The following FSIP1 variants were observed in gnomAD, a reference collection of about 807,000 sequenced individuals.
The protein encoded by FSIP1 is fibrous sheath-interacting protein 1.
A neutral mutation model predicts 60.9 loss-of-function variants in FSIP1; 65 were observed. The observed-to-expected ratio is 1.07, with a 90% confidence interval of 0.87 to 1.31. The LOEUF is 1.31. Among genes scored for constraint, FSIP1 ranks in the 40% most tolerant of loss-of-function variants. FSIP1 has a pLI of 0.00. For synonymous variants in FSIP1, 209 were observed against 221.2 expected (o/e 0.94, Z 0.49); for missense variants, 675 against 665.5 (o/e 1.01, Z -0.16).
At chr15:39,644,164 G>C (rs7179608) in intron 10 of FSIP1, among the ~76,000 whole-genome samples, 33,611 of 151,978 alleles carry the variant, frequency 0.22, 5,158 homozygotes, top group African/African-American at 0.43. Flanking sequence ...TTCGCCTATA[G>C]GCTCGATCCT....
At chr15:39,779,973 G>GT (rs923395423) in intron 1 of FSIP1, among the ~76,000 whole-genome samples, 2 of 152,150 alleles carry the variant, frequency 1.3e-5, no homozygotes, top group Non-Finnish European at 2.9e-5. Flanking sequence ...TGTATGGTCA[G>GT]TTTTTTTACT....
At chr15:39,721,707 G>C (rs1895990181) in intron 9 of FSIP1, among the ~76,000 whole-genome samples, 1 of 152,218 alleles carries the variant, frequency 6.6e-6, no homozygotes, top group Non-Finnish European at 1.5e-5. Flanking sequence ...ATATAGAGTG[G>C]TGGATACTGC....
intron 10 of FSIP1, among the ~76,000 whole-genome samples, chr15:39,695,852 G>A (rs892851110): frequency 6.6e-6 from 1 of 152,070 alleles, no homozygotes; most frequent in African/African-American, 2.4e-5. Flanking sequence ...ACTCACTCAA[G>A]AAAAAAATTA....
chr15:39,725,119 TAC>T (rs1566902629), intron 9 of FSIP1, among the ~76,000 whole-genome samples: 1 of 152,128 alleles, frequency 6.6e-6, no homozygotes, highest in Non-Finnish European at 1.5e-5. Flanking sequence ...TAGTCCCAGC[TAC>T]TCAGGAGGCT....
intron 5 of FSIP1, among the ~76,000 whole-genome samples, chr15:39,756,739 A>G (rs1399763122): frequency 6.6e-6 from 1 of 152,168 alleles, no homozygotes; most frequent in African/African-American, 2.4e-5. Context: ...ATGAAAAGAA[A>G]GAAAGTAGGT....
chr15:39,672,093 A>G (rs1893743542), intron 10 of FSIP1, among the ~76,000 whole-genome samples: 1 of 152,174 alleles, frequency 6.6e-6, no homozygotes, highest in Non-Finnish European at 1.5e-5. Flanking sequence ...TGGGTTTTGG[A>G]GTCAAGGAGA....
At chr15:39,760,624 C>G (rs1355364668) in intron 5 of FSIP1, among the ~76,000 whole-genome samples, 1 of 151,990 alleles carries the variant, frequency 6.6e-6, no homozygotes, top group Admixed American at 6.6e-5. Flanking sequence ...CCCAAAGGGT[C>G]AACATCACGA....
At chr15:39,639,915 T>C (rs570260366) in intron 10 of FSIP1, among the ~76,000 whole-genome samples, 1 of 152,340 alleles carries the variant, frequency 6.6e-6, no homozygotes, top group Admixed American at 6.5e-5. Context: ...AAATATAGTA[T>C]TTTATTCCCA....
At chr15:39,712,114 T>TAA (rs376213649) in intron 10 of FSIP1, among the ~76,000 whole-genome samples, 1 of 152,052 alleles carries the variant, frequency 6.6e-6, no homozygotes. Flanking sequence ...AAATGAGCTA[T>TAA]AAAAAAAGCA....
At chr15:39,673,519 T>G (rs1223140698) in intron 10 of FSIP1, among the ~76,000 whole-genome samples, 1 of 152,118 alleles carries the variant, frequency 6.6e-6, no homozygotes, top group Non-Finnish European at 1.5e-5. Context: ...CTCGCTTTGT[T>G]TGCCTAGCCT....
chr15:39,681,755 T>G (rs1045628963), intron 10 of FSIP1, among the ~76,000 whole-genome samples: 10 of 152,286 alleles, frequency 6.6e-5, no homozygotes, highest in African/African-American at 1.9e-4. Flanking sequence ...GCAAAACACA[T>G]GGGCTCAGGT....
chr15:39,624,998 G>A (rs1322800888), intron 10 of FSIP1, among the ~76,000 whole-genome samples: 1 of 152,212 alleles, frequency 6.6e-6, no homozygotes, highest in Non-Finnish European at 1.5e-5. Flanking sequence ...ACGGCAAACA[G>A]CTCTGAAGCG....
At chr15:39,632,183 T>C (rs532627482) in intron 10 of FSIP1, among the ~76,000 whole-genome samples, 5 of 152,262 alleles carry the variant, frequency 3.3e-5, no homozygotes, top group African/African-American at 9.6e-5. Flanking sequence ...TTTTCTTTGT[T>C]GTTGTTGTTG....
chr15:39,703,108 G>A (rs181789147), intron 10 of FSIP1, among the ~76,000 whole-genome samples: 56 of 150,954 alleles, frequency 3.7e-4, no homozygotes, highest in African/African-American at 1.1e-3. Context: ...TCACCCTCCC[G>A]AATAACTGGG....
At chr15:39,698,955 A>G (rs927441652) in intron 10 of FSIP1, among the ~76,000 whole-genome samples, 1 of 151,128 alleles carries the variant, frequency 6.6e-6, no homozygotes, top group Non-Finnish European at 1.5e-5. Flanking sequence ...GTAAACAGAT[A>G]AGAGGTGATG....
At chr15:39,662,426 C>G (rs959805191) in intron 10 of FSIP1, among the ~76,000 whole-genome samples, 12 of 151,936 alleles carry the variant, frequency 7.9e-5, no homozygotes, top group African/African-American at 2.9e-4. Flanking sequence ...CCATTATCTA[C>G]CCAAAAAAGG....
At chr15:39,686,745 G>C (rs1224278704) in intron 10 of FSIP1, among the ~76,000 whole-genome samples, 1 of 152,194 alleles carries the variant, frequency 6.6e-6, no homozygotes, top group Non-Finnish European at 1.5e-5. Context: ...TTTAAAACAG[G>C]TCTAGATTAT....
chr15:39,630,225 GAATAA>G (rs1215960609), intron 10 of FSIP1, among the ~76,000 whole-genome samples: 1 of 152,206 alleles, frequency 6.6e-6, no homozygotes, highest in African/African-American at 2.4e-5. Flanking sequence ...CTACTGCTGA[GAATAA>G]GGATACTATA....
At chr15:39,650,199 C>T (rs1892808193) in intron 10 of FSIP1, among the ~76,000 whole-genome samples, 1 of 152,174 alleles carries the variant, frequency 6.6e-6, no homozygotes, top group African/African-American at 2.4e-5. Flanking sequence ...AATAAGCTAC[C>T]ATCAGTTGTG....
Sources: gnomAD v4.1 joint callset for allele counts (sites outside exome capture counted in the v4.1 genomes callset) on GRCh38, gnomAD v4.1.1 for gene constraint, MANE v1.5 for transcripts, NCBI Gene and HGNC (gene_info 2026-07-23, HGNC 2026-07-21) for gene names.